Variants in MDGA2 observed in about 807,000 individuals in gnomAD.
MDGA2 encodes MAM domain containing glycosylphosphatidylinositol anchor 2.
MDGA2 carries 40 observed loss-of-function variants against 117.8 expected under a neutral mutation model. The observed-to-expected ratio is 0.34, with a 90% CI of 0.26 to 0.44. The LOEUF (loss-of-function observed/expected upper bound fraction) is 0.44. Ranked by LOEUF, MDGA2 falls within the 20% of genes least tolerant of loss-of-function variation. The pLI, the probability that MDGA2 is intolerant of heterozygous loss-of-function variation, is 1.00. For missense variants in MDGA2, 1,123 were observed against 1,250.6 expected (o/e 0.90, Z 1.54); for synonymous variants, 452 against 439.0 (o/e 1.03, Z -0.37).
intron 5 of MDGA2, among the ~76,000 whole-genome samples, chr14:47,100,099 T>A (rs1438996673): frequency 2.6e-5 from 4 of 152,072 alleles, no homozygotes; most frequent in East Asian, 3.9e-4. Flanking sequence ...ACCATATATA[T>A]AAAACATATT....
chr14:46,999,091 T>C (rs576274273), intron 8 of MDGA2, among the ~76,000 whole-genome samples: 2 of 152,192 alleles, frequency 1.3e-5, no homozygotes, highest in African/African-American at 4.8e-5. Context: ...ATTATTTTTA[T>C]TCACCAATCA....
intron 1 of MDGA2, among the ~76,000 whole-genome samples, chr14:47,390,017 C>CT (rs1891857964): frequency 6.6e-6 from 1 of 152,138 alleles, no homozygotes; most frequent in African/African-American, 2.4e-5. Context: ...GGACAGGCCT[C>CT]TTTGAGCTGC....
chr14:47,168,294 A>AAC (rs1207958220), intron 3 of MDGA2, among the ~76,000 whole-genome samples: 1 of 151,592 alleles, frequency 6.6e-6, no homozygotes, highest in Non-Finnish European at 1.5e-5. Context: ...CAAAAAAAAA[A>AAC]AAAAAAAAAA....
chr14:47,360,347 A>G (rs1406238968), intron 1 of MDGA2, among the ~76,000 whole-genome samples: 1 of 142,746 alleles, frequency 7.0e-6, no homozygotes, highest in Non-Finnish European at 1.5e-5. Context: ...GTGAGAGTCC[A>G]TCTCAAAAAA....
At chr14:47,552,454 A>C (rs1895600288) in intron 1 of MDGA2, among the ~76,000 whole-genome samples, 6 of 152,226 alleles carry the variant, frequency 3.9e-5, no homozygotes, top group Admixed American at 3.9e-4. Flanking sequence ...TTCAGGCCAA[A>C]AATATTGAGG....
intron 3 of MDGA2, among the ~76,000 whole-genome samples, chr14:47,182,813 T>G (rs917850360): frequency 2.0e-5 from 3 of 152,188 alleles, no homozygotes; most frequent in Non-Finnish European, 4.4e-5. Context: ...TATACAAATC[T>G]GCTCTCAAAC....
In MDGA2 at chr14:47,042,668, T is replaced by C. The variant is rs1889120969; in HGVS notation, c.1526-7364A>G. On this transcript the variant is annotated intron_variant, in intron 7 of 16. Coordinates refer to ENST00000399232, the MANE Select transcript of MDGA2 (RefSeq NM_001113498.3). The stretch of plus-strand genomic sequence containing the variant: ...TTTTACATAGAAGCAAAGAACTAAA[T>C]AATTTGCGTTTGCAACAACTGTCAA... Among the ~76,000 whole-genome samples, 3 of 152,050 alleles carry C rather than the reference T, an allele frequency of 2.0e-5. No individual in the cohort carries two copies. In the South Asian group the frequency reaches 6.2e-4, roughly 31 times the overall value.
intron 10 of MDGA2, among the ~76,000 whole-genome samples, chr14:46,890,692 T>C (rs952603892): frequency 1.3e-5 from 2 of 152,034 alleles, no homozygotes; most frequent in Non-Finnish European, 2.9e-5. Context: ...GAGTCTCTGG[T>C]AAAGCTCACC....
chr14:47,403,202 T>G (rs1892191130), intron 1 of MDGA2, among the ~76,000 whole-genome samples: 1 of 152,150 alleles, frequency 6.6e-6, no homozygotes, highest in Admixed American at 6.6e-5. Flanking sequence ...ATAAAAGCAC[T>G]CTTGTTAAGT....
intron 8 of MDGA2, among the ~76,000 whole-genome samples, chr14:47,017,444 T>C (rs1340616995): frequency 6.6e-6 from 1 of 152,004 alleles, no homozygotes; most frequent in Non-Finnish European, 1.5e-5. Context: ...TCCAATTCTA[T>C]ATTATGTCCA....
intron 14 of MDGA2, among the ~76,000 whole-genome samples, chr14:46,868,609 T>C (rs747410611): frequency 6.6e-6 from 1 of 151,952 alleles, no homozygotes; most frequent in Non-Finnish European, 1.5e-5. Flanking sequence ...ATGGACTTTT[T>C]AAAAAAGACA....
At chr14:46,933,213 T>C (rs1884645293) in intron 9 of MDGA2, among the ~76,000 whole-genome samples, 1 of 152,038 alleles carries the variant, frequency 6.6e-6, no homozygotes, top group South Asian at 2.1e-4. Flanking sequence ...CCAGAAAAGT[T>C]CATGTCATTT....
intron 1 of MDGA2, among the ~76,000 whole-genome samples, chr14:47,403,878 T>C (rs1022944571): frequency 1.3e-5 from 2 of 152,128 alleles, no homozygotes; most frequent in African/African-American, 4.8e-5. Context: ...AAAAGGGATG[T>C]CCTTATCTCT....
chr14:47,641,710 T>C (rs1022375284), intron 1 of MDGA2, among the ~76,000 whole-genome samples: 1 of 152,140 alleles, frequency 6.6e-6, no homozygotes, highest in Non-Finnish European at 1.5e-5. Context: ...AGGTTGAACA[T>C]TTGTGATAAC....
rs564188102 is a variant in MDGA2, at chr14:46,993,399, T to C, written c.1820-35756A>G. On this transcript the variant is annotated intron_variant, in intron 8 of 16. Transcript: ENST00000399232. Reference sequence around the variant, plus strand: ...TATAAATCCTGAACATTTACACCACTGATGATAAATAATACTTATTATACA... The same window carrying C: ...TATAAATCCTGAACATTTACACCACCGATGATAAATAATACTTATTATACA... Among the ~76,000 whole-genome samples the C allele has an allele frequency of 3.9e-5, 6 of 152,250 alleles. No individual in the cohort carries two copies. The South Asian group carries it at 1.2e-3, about 32-fold the overall frequency.
intron 2 of MDGA2, among the ~76,000 whole-genome samples, chr14:47,247,979 C>CT (rs1013494565): frequency 1.3e-5 from 2 of 150,920 alleles, no homozygotes; most frequent in African/African-American, 2.4e-5. Context: ...TGAATACATC[C>CT]TTTTTTTTAT....
intron 5 of MDGA2, among the ~76,000 whole-genome samples, chr14:47,102,978 A>G (rs1197497884): frequency 1.3e-5 from 2 of 152,180 alleles, no homozygotes; most frequent in Admixed American, 1.3e-4. Flanking sequence ...GACAATGTGT[A>G]AAGAGTAAAG....
chr14:47,520,662 T>A (rs1286019096), intron 1 of MDGA2, among the ~76,000 whole-genome samples: 1 of 152,070 alleles, frequency 6.6e-6, no homozygotes. Flanking sequence ...TTAAAATAAA[T>A]GAGCTCACGT....
chr14:47,178,136 T>TA lies in MDGA2; in HGVS notation c.596-33863dup, dbSNP rs142686847. Among the ~76,000 whole-genome samples the TA allele has an allele frequency of 7.4e-3, 1,118 of 151,304 alleles. 6 individuals are homozygous for TA. The highest frequency in any genetic ancestry group is 0.023 in the African/African-American group (950 of 41,280). On this transcript the variant is annotated intron_variant, in intron 3 of 16. Coordinates refer to ENST00000399232, the MANE Select transcript of MDGA2 (RefSeq NM_001113498.3). ...ATAGTCAAGGACAGCTCCATTTTGATAAAAAAAAAGTTAAAGGCATTAAGT... is the reference window on the plus strand; with the variant it reads ...ATAGTCAAGGACAGCTCCATTTTGATAAAAAAAAAAGTTAAAGGCATTAAGT...
Sources: gnomAD v4.1 joint callset for allele counts (sites outside exome capture counted in the v4.1 genomes callset) on GRCh38, gnomAD v4.1.1 for gene constraint, MANE v1.5 for transcripts, NCBI Gene and HGNC (gene_info 2026-07-23, HGNC 2026-07-21) for gene names.